The following PRMT3 variants were observed in gnomAD, a reference collection of about 807,000 sequenced individuals.
PRMT3 encodes protein arginine N-methyltransferase 3.
In PRMT3, 62 loss-of-function variants were observed where a neutral mutation model predicts 71.9. The ratio of observed to expected loss-of-function variants is 0.86; its 90% CI spans 0.70 to 1.07. PRMT3 has a LOEUF of 1.07. Ranked by LOEUF, PRMT3 falls within the 50% of genes least tolerant of loss-of-function variation. The probability of loss-of-function intolerance (pLI) is 0.00; values close to 1 mark genes in which losing one functional copy is unlikely to be tolerated. For missense variants in PRMT3, 663 were observed against 643.0 expected (o/e 1.03, Z -0.34); for synonymous variants, 213 against 220.4 (o/e 0.97, Z 0.30).
At chr11:20,459,890 A>G (rs1220789903) in intron 11 of PRMT3, among the ~76,000 whole-genome samples, 1 of 152,234 alleles carries the variant, frequency 6.6e-6, no homozygotes, top group Non-Finnish European at 1.5e-5. Context: ...TCAAGAATTT[A>G]AACACAATCC....
At chr11:20,436,604 G>T (rs1028239527) in intron 10 of PRMT3, among the ~76,000 whole-genome samples, 2 of 152,026 alleles carry the variant, frequency 1.3e-5, no homozygotes, top group Admixed American at 1.3e-4. Context: ...TGTACATTTT[G>T]TCATCCTTGC....
At chr11:20,506,190 G>GT (rs1171646543) in intron 15 of PRMT3, among the ~76,000 whole-genome samples, 1 of 152,148 alleles carries the variant, frequency 6.6e-6, no homozygotes, top group Admixed American at 6.5e-5. Flanking sequence ...CTAGCACAAA[G>GT]TAAGTGTTGA....
chr11:20,468,813 T>C (rs1590087187), intron 13 of PRMT3, among the ~76,000 whole-genome samples: 1 of 152,332 alleles, frequency 6.6e-6, no homozygotes, highest in South Asian at 2.1e-4. Context: ...GATAATGCTT[T>C]TAGATAGCTT....
At chr11:20,418,876 T>C (rs1849366468) in intron 9 of PRMT3, among the ~76,000 whole-genome samples, 1 of 152,042 alleles carries the variant, frequency 6.6e-6, no homozygotes, top group Non-Finnish European at 1.5e-5. Context: ...AAATAACAAA[T>C]GAAATTAAAC....
In PRMT3 at chr11:20,465,517, T is replaced by C. The variant is rs61876970; in HGVS notation, c.1347+971T>C. On this transcript the variant is annotated intron_variant, in intron 13 of 15. Coordinates refer to ENST00000331079, the MANE Select transcript of PRMT3 (RefSeq NM_005788.4). ...TTTAAATATTTGGTTCAGATCGATA[T>C]ATTATACACAAGACTTCATGTCTTT... Among the ~76,000 whole-genome samples, 1,265 of 152,142 alleles carry C rather than the reference T, an allele frequency of 8.3e-3. 5 individuals are homozygous for C. Among genetic ancestry groups the C allele is most frequent in the Non-Finnish European group, 0.011 (759 of 67,930 alleles).
intron 9 of PRMT3, among the ~76,000 whole-genome samples, chr11:20,423,398 T>C (rs1849469028): frequency 6.6e-6 from 1 of 152,206 alleles, no homozygotes; most frequent in Admixed American, 6.5e-5. Context: ...CCTCAGTCCA[T>C]GGGCCAGCTA....
At chr11:20,504,737 A>G (rs1043845714) in intron 15 of PRMT3, among the ~76,000 whole-genome samples, 3 of 150,906 alleles carry the variant, frequency 2.0e-5, no homozygotes, top group African/African-American at 7.4e-5. Flanking sequence ...AGAGAGAGAG[A>G]GAGAGAGAGC....
At chr11:20,500,151 C>T (rs953746008) in intron 15 of PRMT3, among the ~76,000 whole-genome samples, 7 of 152,100 alleles carry the variant, frequency 4.6e-5, no homozygotes, top group Non-Finnish European at 1.0e-4. Flanking sequence ...AAAACAATAC[C>T]ATTTACAGCA....
chr11:20,487,729 A>G (rs892084169), intron 13 of PRMT3, among the ~76,000 whole-genome samples: 3 of 152,228 alleles, frequency 2.0e-5, no homozygotes, highest in Non-Finnish European at 4.4e-5. Flanking sequence ...GTATAAAACA[A>G]TTTTGTGTTT....
At position 20,462,154 on chromosome 11, in the gene PRMT3, C is replaced by G. The variant is rs199892546; in HGVS notation, c.1247C>G (p.Pro416Arg). ...VLDPKTLISEPCGIKHIDCHT... is the reference protein window; with the variant it reads ...VLDPKTLISERCGIKHIDCHT... ...GATCCGAAGACTCTTATTTCAGAAC[C>G]TTGTGGTATTAAGGTAGGTGTTTTA... The change falls in exon 12 of 16, where the codon CCT (proline) becomes CGT (arginine). Residue 416 changes from proline (P) to arginine (R), a missense_variant. Pro to Arg is a moderately radical substitution (Grantham distance 103, BLOSUM62 -2). Coordinates refer to ENST00000331079, the MANE Select transcript of PRMT3 (RefSeq NM_005788.4). 1.6e-4 allele frequency: 256 copies of G among 1,604,766 alleles called. No individual in the cohort carries two copies. The highest frequency in any genetic ancestry group is 1.6e-4 in the Non-Finnish European group (182 of 1,173,780).
intron 13 of PRMT3, among the ~76,000 whole-genome samples, chr11:20,487,316 C>T (rs1255071690): frequency 6.6e-6 from 1 of 152,100 alleles, no homozygotes; most frequent in African/African-American, 2.4e-5. Context: ...TTCACAAAAA[C>T]CGTTCAAGTG....
intron 10 of PRMT3, among the ~76,000 whole-genome samples, chr11:20,434,944 T>A (rs1342433409): frequency 6.6e-6 from 1 of 152,246 alleles, no homozygotes; most frequent in African/African-American, 2.4e-5. Flanking sequence ...TTGATAGGAA[T>A]AACATTGAAT....
At chr11:20,454,520 G>A (rs1850224291) in intron 11 of PRMT3, among the ~76,000 whole-genome samples, 2 of 152,162 alleles carry the variant, frequency 1.3e-5, no homozygotes, top group South Asian at 4.1e-4. Flanking sequence ...AGAGAGGTCA[G>A]CATTTAACTC....
At chr11:20,413,264 G>T (rs1418700589) in intron 9 of PRMT3, among the ~76,000 whole-genome samples, 1 of 152,072 alleles carries the variant, frequency 6.6e-6, no homozygotes, top group African/African-American at 2.4e-5. Context: ...ATTCCTCTGT[G>T]AATGTACTTC....
At chr11:20,461,734 C>T (rs1040283603) in intron 11 of PRMT3, among the ~76,000 whole-genome samples, 1 of 151,980 alleles carries the variant, frequency 6.6e-6, no homozygotes, top group Non-Finnish European at 1.5e-5. Flanking sequence ...TTATATAACC[C>T]TATTTTAATT....
At position 20,448,781 on chromosome 11, in the gene PRMT3, A is replaced by G. The variant is rs191303954; in HGVS notation, c.994-3349A>G. 6.6e-5 allele frequency among the ~76,000 whole-genome samples: 10 copies of G among 152,290 alleles called. No homozygotes were observed. The East Asian group carries it at 9.6e-4, about 15-fold the overall frequency. On this transcript the variant is annotated intron_variant, in intron 10 of 15. Transcript: ENST00000331079. The stretch of plus-strand genomic sequence containing the variant: ...ATATTCTAGTCCCTGATTTAATTCC[A>G]TATGTTCCTTTATAGTAATCATTAA...
At chr11:20,442,317 A>T (rs192909468) in intron 10 of PRMT3, among the ~76,000 whole-genome samples, 26 of 150,068 alleles carry the variant, frequency 1.7e-4, no homozygotes, top group African/African-American at 5.9e-4. Context: ...TTTGGGGAGG[A>T]TTGCTTCTTT....
chr11:20,500,414 T>C (rs889682013), intron 15 of PRMT3, among the ~76,000 whole-genome samples: 9 of 152,180 alleles, frequency 5.9e-5, no homozygotes, highest in African/African-American at 2.2e-4. Context: ...AAAAGTTATA[T>C]AGAAATCAAA....
chr11:20,418,004 A>G (rs562123942), intron 9 of PRMT3, among the ~76,000 whole-genome samples: 1 of 152,116 alleles, frequency 6.6e-6, no homozygotes, highest in African/African-American at 2.4e-5. Flanking sequence ...TTATCTCTGT[A>G]TGCTTCGTGC....
Sources: allele counts gnomAD v4.1 joint callset (sites outside exome capture counted in the v4.1 genomes callset), GRCh38; gene constraint gnomAD v4.1.1; transcripts MANE v1.5; gene names NCBI Gene and HGNC (gene_info 2026-07-23, HGNC 2026-07-21).